KANSL1L: variants seen among roughly 807,000 people sequenced by gnomAD.
KANSL1L encodes the protein KAT8 regulatory NSL complex subunit 1 like.
In KANSL1L, 25 loss-of-function variants were observed where a neutral mutation model predicts 108.6. That is an observed-to-expected ratio of 0.23 (90% confidence interval 0.17 to 0.32). The LOEUF (loss-of-function observed/expected upper bound fraction) is 0.32, where lower values mean the gene tolerates loss of function less well. KANSL1L is among the 10% of genes least tolerant of loss of function. KANSL1L has a pLI of 1.00. For synonymous variants in KANSL1L, 405 were observed against 395.1 expected (o/e 1.03, Z -0.30); for missense variants, 1,137 against 1,125.7 (o/e 1.01, Z -0.14).
intron 3 of KANSL1L, among the ~76,000 whole-genome samples, chr2:210,111,735 A>T (rs533440825): frequency 3.3e-5 from 5 of 151,966 alleles, no homozygotes; most frequent in Non-Finnish European, 5.9e-5. Context: ...TTTTTAAAAA[A>T]TTTTATTATT....
At chr2:210,165,518 G>A (rs1340370178) in intron 1 of KANSL1L, among the ~76,000 whole-genome samples, 1 of 149,456 alleles carries the variant, frequency 6.7e-6, no homozygotes, top group South Asian at 2.1e-4. Flanking sequence ...AAACAAGGGG[G>A]GATTGTAAAG....
At chr2:210,168,713 T>C (rs1418153633) in intron 1 of KANSL1L, among the ~76,000 whole-genome samples, 1 of 152,116 alleles carries the variant, frequency 6.6e-6, no homozygotes. Context: ...ACAACTGTGA[T>C]CAGATCACTG....
chr2:210,153,427 C>T lies in KANSL1L; in HGVS notation c.1088+68G>A, dbSNP rs1029905220. 1.8e-5 allele frequency: 22 copies of T among 1,201,608 alleles called. No individual in the cohort carries two copies. In the South Asian group the frequency reaches 2.4e-4, roughly 13 times the overall value. The allele number at this position is 1,201,608 out of a possible 1,614,324, so 74.4% of individuals were successfully genotyped here. A position where few individuals can be genotyped will look rare whatever the true frequency, so the allele number is the denominator to read the frequency against. On this transcript the variant is annotated intron_variant, in intron 2 of 14. Transcript: ENST00000281772. ...AGAAAATCTATTTCTTGTCAACATACCTGGAAACTAAGATAATTGCTGCTA... is the reference window on the plus strand; with the variant it reads ...AGAAAATCTATTTCTTGTCAACATATCTGGAAACTAAGATAATTGCTGCTA...
intron 3 of KANSL1L, among the ~76,000 whole-genome samples, chr2:210,110,649 G>C (rs2094894826): frequency 1.3e-5 from 2 of 152,126 alleles, no homozygotes; most frequent in Admixed American, 1.3e-4. Flanking sequence ...AAAAATTAAA[G>C]AGTGGTTAAG....
intron 6 of KANSL1L, among the ~76,000 whole-genome samples, chr2:210,045,845 T>C (rs562018359): frequency 1.3e-5 from 2 of 152,358 alleles, no homozygotes; most frequent in African/African-American, 2.4e-5. Flanking sequence ...ATGTGCCTTT[T>C]TTGCTCTGGC....
intron 3 of KANSL1L, among the ~76,000 whole-genome samples, chr2:210,124,037 C>T (rs2095044684): frequency 6.6e-6 from 1 of 151,880 alleles, no homozygotes; most frequent in Non-Finnish European, 1.5e-5. Context: ...AAAGAAAAAT[C>T]AATAATTCTA....
At position 210,072,761 on chromosome 2, in the gene KANSL1L, G is replaced by A. The variant is rs138073583; in HGVS notation, c.1755+2791C>T. 1.8e-4 allele frequency among the ~76,000 whole-genome samples: 28 copies of A among 152,144 alleles called. No homozygotes were observed. The East Asian group carries it at 5.4e-3, about 29-fold the overall frequency. On this transcript the variant is annotated intron_variant, in intron 6 of 14. Coordinates refer to ENST00000281772, the MANE Select transcript of KANSL1L (RefSeq NM_152519.4). ...GTGTGACCTATTTCTAACATGCCAC[G>A]GACCAGTACTGGTCTGTGACCAGGG...
At chr2:210,071,048 C>T (rs1480220796) in intron 6 of KANSL1L, among the ~76,000 whole-genome samples, 1 of 151,546 alleles carries the variant, frequency 6.6e-6, no homozygotes, top group East Asian at 2.0e-4. Flanking sequence ...ATCCCAGCTA[C>T]TTGGGAGGCT....
chr2:210,111,329 T>A (rs1451903117), intron 3 of KANSL1L, among the ~76,000 whole-genome samples: 2 of 152,112 alleles, frequency 1.3e-5, no homozygotes, highest in East Asian at 3.8e-4. Context: ...AAATTACTTA[T>A]ATATACAGCA....
At position 210,154,230 on chromosome 2, in the gene KANSL1L, T is replaced by C. The variant is rs1158644243; in HGVS notation, c.353A>G (p.Asn118Ser). 4 of 1,614,154 alleles carry C rather than the reference T, an allele frequency of 2.5e-6. No individual in the cohort carries two copies. Among genetic ancestry groups the C allele is most frequent in the Admixed American group, 1.7e-5 (1 of 60,022 alleles). Residue 118 changes from asparagine to serine, a missense_variant, in exon 2 of 15, where the codon AAC becomes AGC. Physicochemically the swap from Asn to Ser is conservative, Grantham distance 46. Around this residue, in one of 3 missense-constraint regions of KANSL1L, gnomAD observed 556 missense variants for 537.7 expected, o/e 1.03. Transcript: ENST00000281772. ...KLKNILYNGS[N>S]IQLSKICLSH... ...AAGACAGATTTTACTGAGCTGAATG[T>C]TGCTGCCATTATACAGTATGTTTTT...
chr2:210,149,540 C>G (rs2095287816), intron 2 of KANSL1L, among the ~76,000 whole-genome samples: 1 of 151,856 alleles, frequency 6.6e-6, no homozygotes, highest in Admixed American at 6.6e-5. Flanking sequence ...AAATACTCAT[C>G]TAGATTTGAA....
At chr2:210,131,709 CTT>C (rs749224357) in intron 2 of KANSL1L, among the ~76,000 whole-genome samples, 55 of 139,182 alleles carry the variant, frequency 4.0e-4, no homozygotes, top group Non-Finnish European at 3.5e-4. Flanking sequence ...AATAAATTTT[CTT>C]TTTTTTTTTT....
intron 8 of KANSL1L, among the ~76,000 whole-genome samples, chr2:210,037,082 TA>T: frequency 6.6e-6 from 1 of 152,206 alleles, no homozygotes; most frequent in East Asian, 1.9e-4. Flanking sequence ...AATCAAATAG[TA>T]GAACAACATT....
intron 3 of KANSL1L, among the ~76,000 whole-genome samples, chr2:210,122,129 A>G (rs1226353770): frequency 6.6e-6 from 1 of 152,200 alleles, no homozygotes; most frequent in Admixed American, 6.6e-5. Context: ...TACAGATTCA[A>G]TGCAATCTCT....
intron 11 of KANSL1L, among the ~76,000 whole-genome samples, chr2:210,027,611 C>G (rs532708510): frequency 1.3e-5 from 2 of 152,254 alleles, no homozygotes; most frequent in East Asian, 1.9e-4. Flanking sequence ...TATGTACTGA[C>G]TGAAGTCAGT....
chr2:210,027,315 T>C lies in KANSL1L; in HGVS notation c.2432A>G (p.Tyr811Cys), dbSNP rs2093951831. Residue 811 changes from tyrosine to cysteine, a missense_variant, in exon 12 of 15, where the codon TAT becomes TGT. Tyr to Cys is a radical substitution (Grantham distance 194, BLOSUM62 -2). Coordinates refer to ENST00000281772, the MANE Select transcript of KANSL1L (RefSeq NM_152519.4). ...GCTTACCTCTTCTTTGCCTAAATTA[T>C]ATTCATCCAAAGGCTGAAGAACAAC... is the stretch of plus-strand genomic sequence containing the variant. ...RMVVLQPLDE[Y>C]NLGKEEIEDL... 6.2e-7 allele frequency: 1 copy of C among 1,612,046 alleles called. No homozygotes were observed. The highest frequency in any genetic ancestry group is 8.5e-7 in the Non-Finnish European group (1 of 1,178,332).
Position 210,028,829 on chromosome 2 carries a change from A to G in KANSL1L, c.2396+16T>C, listed in dbSNP as rs996387393. Reference sequence around the variant, plus strand: ...GGAAGGAAGGAAGAAAAATATGAAGATGTAAGTATACATACCTTGGAGTAA... The same window carrying G: ...GGAAGGAAGGAAGAAAAATATGAAGGTGTAAGTATACATACCTTGGAGTAA... On this transcript the variant is annotated intron_variant, in intron 11 of 14. Coordinates refer to ENST00000281772, the MANE Select transcript of KANSL1L (RefSeq NM_152519.4). 19 of 1,510,730 alleles carry G rather than the reference A, an allele frequency of 1.3e-5. No homozygotes were observed. The highest frequency in any genetic ancestry group is 1.6e-5 in the Non-Finnish European group (18 of 1,118,708). 93.6% of individuals were successfully genotyped at this position (1,510,730 alleles called of 1,614,324 possible). A position where few individuals can be genotyped will look rare whatever the true frequency, so the allele number is the denominator to read the frequency against.
intron 8 of KANSL1L, among the ~76,000 whole-genome samples, chr2:210,033,693 C>CAA (rs2094057175): frequency 2.3e-5 from 1 of 43,546 alleles, no homozygotes; most frequent in African/African-American, 7.5e-5. Flanking sequence ...CCACGCCCGG[C>CAA]TATTTTTTTT....
At chr2:210,170,040 G>C (rs1423731024) in intron 1 of KANSL1L, among the ~76,000 whole-genome samples, 1 of 152,160 alleles carries the variant, frequency 6.6e-6, no homozygotes. Flanking sequence ...GAAATGGCTA[G>C]TTATTAAGAA....
Sources: allele counts gnomAD v4.1 joint callset (sites outside exome capture counted in the v4.1 genomes callset), GRCh38; gene constraint gnomAD v4.1.1; regional missense constraint gnomAD v4.1.1; transcripts MANE v1.5; gene names NCBI Gene and HGNC (gene_info 2026-07-23, HGNC 2026-07-21).